The following VCAN variants were observed in gnomAD, a reference collection of about 807,000 sequenced individuals.
The protein encoded by VCAN is versican core protein.
VCAN carries 44 observed loss-of-function variants against 245.5 expected under a neutral mutation model. The observed-to-expected ratio is 0.18, with a 90% CI of 0.14 to 0.23. The LOEUF is 0.23. VCAN is among the 10% of genes least tolerant of loss of function. VCAN has a pLI of 1.00. For synonymous variants in VCAN, 1,413 were observed against 1,437.0 expected (o/e 0.98, Z 0.38); for missense variants, 3,793 against 4,057.9 (o/e 0.93, Z 1.77).
At chr5:83,499,556 C>A (rs1173400184) in intron 5 of VCAN, among the ~76,000 whole-genome samples, 1 of 152,160 alleles carries the variant, frequency 6.6e-6, no homozygotes, top group Non-Finnish European at 1.5e-5. Context: ...TATTTAATCA[C>A]CATGATACTA....
chr5:83,498,967 C>T (rs560008654), intron 5 of VCAN, among the ~76,000 whole-genome samples: 36 of 152,158 alleles, frequency 2.4e-4, no homozygotes, highest in Non-Finnish European at 4.4e-4. Flanking sequence ...GCAATCTATT[C>T]ACCCTTCATT....
chr5:83,491,646 A>G (rs546330981), intron 3 of VCAN, among the ~76,000 whole-genome samples: 6 of 152,084 alleles, frequency 3.9e-5, no homozygotes, highest in African/African-American at 1.2e-4. Context: ...ACCATTTTTC[A>G]TCATTAAAGA....
intron 8 of VCAN, among the ~76,000 whole-genome samples, chr5:83,542,600 C>T (rs1747047140): frequency 6.6e-6 from 1 of 152,102 alleles, no homozygotes; most frequent in Non-Finnish European, 1.5e-5. Flanking sequence ...TCATATGTCT[C>T]ATAGTTATAC....
chr5:83,537,065 T>A lies in VCAN; in HGVS notation c.4062T>A (p.Asp1354Glu). The A allele has an allele frequency of 6.2e-7, 1 of 1,612,980 alleles. No homozygotes were observed. The highest frequency in any genetic ancestry group is 8.5e-7 in the Non-Finnish European group (1 of 1,179,628). The change falls in exon 8 of 15, where the codon GAT becomes GAA. Residue 1354 changes from aspartate to glutamate, a missense_variant. Physicochemically the swap from Asp to Glu is conservative, Grantham distance 45 (BLOSUM62 2). Transcript: ENST00000265077. ...CAATAGATTCAGAATCTAAAGAAGA[T>A]GAACCTTGTAGTGAAGAAACAGATC... ...GHPIDSESKEDEPCSEETDPV... is the reference protein window; with the variant it reads ...GHPIDSESKEEEPCSEETDPV...
chr5:83,499,336 T>C (rs1391069387), intron 5 of VCAN, among the ~76,000 whole-genome samples: 2 of 152,136 alleles, frequency 1.3e-5, no homozygotes, highest in Non-Finnish European at 2.9e-5. Context: ...ACCATAAACT[T>C]CTATATGTTT....
chr5:83,554,172 A>G (rs1379716380), intron 11 of VCAN, among the ~76,000 whole-genome samples: 1 of 152,228 alleles, frequency 6.6e-6, no homozygotes, highest in Non-Finnish European at 1.5e-5. Context: ...TGTTGCTCAT[A>G]AAGCATTTTC....
intron 5 of VCAN, among the ~76,000 whole-genome samples, chr5:83,506,689 A>G (rs1040448995): frequency 3.3e-5 from 5 of 152,126 alleles, no homozygotes; most frequent in African/African-American, 4.8e-5. Context: ...GCAACACCCC[A>G]CTGTACTGGT....
chr5:83,490,513 C>A, intron 3 of VCAN, 41 bp downstream of exon 3: 1 of 1,610,338 alleles, frequency 6.2e-7, no homozygotes, highest in East Asian at 2.2e-5. Flanking sequence ...TATAACATGA[C>A]ACCTGGTTCA....
intron 9 of VCAN, among the ~76,000 whole-genome samples, chr5:83,547,401 G>A (rs549322560): frequency 5.9e-5 from 9 of 152,292 alleles, no homozygotes; most frequent in Non-Finnish European, 1.2e-4. Context: ...GGGAGCTCAC[G>A]TTGAAGACTG....
chr5:83,482,815 A>G (rs1349467296), intron 1 of VCAN, among the ~76,000 whole-genome samples: 1 of 152,216 alleles, frequency 6.6e-6, no homozygotes, highest in African/African-American at 2.4e-5. Context: ...ATTTTCTTTC[A>G]TTCTTTACTC....
At position 83,538,845 on chromosome 5, in the gene VCAN, A is replaced by T; in HGVS notation, c.5842A>T (p.Ile1948Leu). Residue 1948 changes from isoleucine (I) to leucine (L), a missense_variant, in exon 8 of 15, where the codon ATA becomes TTA. Transcript: ENST00000265077. ...AGAATACTCAACAGTGTCTCATCCC[A>T]TAGCAAAAGAAGAAACGGTAATGAT... ...FREYSTVSHP[I>L]AKEETVMMEG... is the part of the protein sequence containing the mutation. The T allele has an allele frequency of 6.2e-7, 1 of 1,614,010 alleles. No individual in the cohort carries two copies. Among genetic ancestry groups the T allele is most frequent in the Non-Finnish European group, 8.5e-7 (1 of 1,179,956 alleles).
chr5:83,500,921 T>C (rs1289766489), intron 5 of VCAN, among the ~76,000 whole-genome samples: 1 of 152,204 alleles, frequency 6.6e-6, no homozygotes, highest in African/African-American at 2.4e-5. Flanking sequence ...CATTTTACAT[T>C]CTCATCAGCA....
intron 2 of VCAN, among the ~76,000 whole-genome samples, chr5:83,485,552 A>G (rs760661964): frequency 1.3e-5 from 2 of 152,204 alleles, no homozygotes; most frequent in Non-Finnish European, 2.9e-5. Context: ...AAGCAAGGGT[A>G]GCAGCAGAGA....
chr5:83,560,804 C>A (rs16876499), intron 12 of VCAN, among the ~76,000 whole-genome samples: 1 of 152,042 alleles, frequency 6.6e-6, no homozygotes, highest in Non-Finnish European at 1.5e-5. Context: ...AAGATTCTCA[C>A]GAGGCGATTC....
intron 9 of VCAN, 120 bp downstream of exon 9, chr5:83,545,770 T>G (rs1242680438): frequency 7.3e-6 from 6 of 821,256 alleles, no homozygotes; most frequent in Non-Finnish European, 1.2e-5. Flanking sequence ...TAATTATATG[T>G]TAAATGAAGT....
intron 2 of VCAN, among the ~76,000 whole-genome samples, chr5:83,484,418 TCATC>T (rs1014586915): frequency 7.2e-5 from 11 of 151,982 alleles, no homozygotes; most frequent in African/African-American, 1.9e-4. Context: ...ATCCGTGTAT[TCATC>T]CATCCATCCA....
intron 13 of VCAN, among the ~76,000 whole-genome samples, chr5:83,572,930 C>A (rs929133284): frequency 5.3e-5 from 8 of 150,830 alleles, no homozygotes; most frequent in Non-Finnish European, 8.8e-5. Context: ...GAGATGGAGT[C>A]TCGCTCTGTC....
chr5:83,540,134 A>G lies in VCAN; in HGVS notation c.7131A>G (p.Ile2377Met). 6.2e-7 allele frequency: 1 copy of G among 1,613,996 alleles called. No individual in the cohort carries two copies. Among genetic ancestry groups the G allele is most frequent in the Non-Finnish European group, 8.5e-7 (1 of 1,179,990 alleles). ...EEIQTSRPQT[I>M]TEQDSNKNSS... ...TCCAGACTAGTAGACCACAAACCAT[A>G]ACTGAACAAGACTCTAACAAGAATT... The change falls in exon 8 of 15, where the codon ATA becomes ATG. Residue 2377 changes from isoleucine (I) to methionine (M), a missense_variant. By Grantham distance (10) the Ile-to-Met change is conservative (BLOSUM62 1). Transcript: ENST00000265077.
At chr5:83,516,821 G>C (rs1745872313) in intron 6 of VCAN, among the ~76,000 whole-genome samples, 1 of 152,176 alleles carries the variant, frequency 6.6e-6, no homozygotes, top group Admixed American at 6.5e-5. Context: ...CGTAGATATT[G>C]TGCTTTATAA....
Sources: allele counts gnomAD v4.1 joint callset (sites outside exome capture counted in the v4.1 genomes callset), GRCh38; gene constraint gnomAD v4.1.1; transcripts MANE v1.5; gene names NCBI Gene and HGNC (gene_info 2026-07-23, HGNC 2026-07-21).